The following ZCCHC17 variants were observed in gnomAD, a reference collection of about 807,000 sequenced individuals.
The protein encoded by ZCCHC17 is zinc finger CCHC-type containing 17.
ZCCHC17 carries 18 observed loss-of-function variants against 30.6 expected under a neutral mutation model. That is an observed-to-expected ratio of 0.59 (90% CI 0.41 to 0.87). ZCCHC17 has a LOEUF of 0.87. Among genes scored for constraint, ZCCHC17 ranks in the 40% least tolerant of loss-of-function variants. ZCCHC17 has a pLI of 0.00. For synonymous variants in ZCCHC17, 88 were observed against 92.4 expected, an observed-to-expected ratio of 0.95 and a Z score of 0.27; for missense variants, 263 against 284.2, an observed-to-expected ratio of 0.93 and a Z score of 0.54.
chr1:31,353,882 GA>G (rs1639553784), intron 7 of ZCCHC17, among the ~76,000 whole-genome samples: 2 of 152,290 alleles, frequency 1.3e-5, no homozygotes, highest in East Asian at 1.9e-4. Flanking sequence ...AGTAAGCTTT[GA>G]AGTTGGGAAT....
At position 31,310,102 on chromosome 1, in the gene ZCCHC17, A is replaced by G; in HGVS notation, c.4A>G (p.Asn2Asp). 6.2e-7 allele frequency: 1 copy of G among 1,614,080 alleles called. No homozygotes were observed. The highest frequency in any genetic ancestry group is 8.5e-7 in the Non-Finnish European group (1 of 1,179,978). Reference protein sequence around the residue: MNSGRPETMENL... With the variant: MDSGRPETMENL... ...GAGGAGCCATAGAATATTAAGGATG[A>G]ATTCAGGAAGGCCTGAGACCATGGA... Residue 2 changes from asparagine to aspartate, a missense_variant, in exon 2 of 8, where the codon AAT (asparagine) becomes GAT (aspartate). Coordinates refer to ENST00000344147, the MANE Select transcript of ZCCHC17 (RefSeq NM_016505.4).
Position 31,343,221 on chromosome 1 carries a change from G to A in ZCCHC17, c.318-3419G>A, listed in dbSNP as rs552865548. Among the ~76,000 whole-genome samples the A allele has an allele frequency of 3.3e-5, 5 of 152,154 alleles. No individual in the cohort carries two copies. The East Asian group carries it at 5.8e-4, about 18-fold the overall frequency. ...ATTACAGGTGCCCACCACTGCGCCC[G>A]GCTAATTTTTGTATTTTTAGTAGAG... On this transcript the variant is annotated intron_variant, in intron 5 of 7. Transcript: ENST00000344147.
rs1646417028 is a variant in ZCCHC17 at position 31,305,033 on chromosome 1, T to TC, written c.-55-5010dup. Reference sequence around the variant, plus strand: ...CAGTAATTCTCACTCACTCCCCCTTTCACTGTGGCCCACCATAAGGTTGGG... The same window carrying TC: ...CAGTAATTCTCACTCACTCCCCCTTTCCACTGTGGCCCACCATAAGGTTGGG... On this transcript the variant is annotated intron_variant, in intron 1 of 7. Coordinates refer to ENST00000344147, the MANE Select transcript of ZCCHC17 (RefSeq NM_016505.4). Among the ~76,000 whole-genome samples the TC allele has an allele frequency of 2.0e-5, 3 of 152,322 alleles. No individual in the cohort carries two copies. In the South Asian group the frequency reaches 6.2e-4, roughly 32 times the overall value.
chr1:31,354,434 T>C (rs1450599909), intron 7 of ZCCHC17, among the ~76,000 whole-genome samples: 1 of 152,184 alleles, frequency 6.6e-6, no homozygotes, highest in Non-Finnish European at 1.5e-5. Flanking sequence ...GGCAGAGTCT[T>C]GCTGTATCAC....
chr1:31,348,448 G>A (rs1480915150), intron 6 of ZCCHC17, among the ~76,000 whole-genome samples: 1 of 152,164 alleles, frequency 6.6e-6, no homozygotes, highest in African/African-American at 2.4e-5. Flanking sequence ...CTGCCACTCA[G>A]CTCCTTCTGC....
chr1:31,331,334 C>T lies in ZCCHC17; in HGVS notation c.125-5841C>T, dbSNP rs556432364. Among the ~76,000 whole-genome samples the T allele has an allele frequency of 7.9e-5, 12 of 151,370 alleles. No individual in the cohort carries two copies. The South Asian group carries it at 1.7e-3, about 21-fold the overall frequency. On this transcript the variant is annotated intron_variant, in intron 3 of 7. Coordinates refer to ENST00000344147, the MANE Select transcript of ZCCHC17 (RefSeq NM_016505.4). Reference sequence around the variant, plus strand: ...TTTTGTATTTTTTTTTTAGTAGAGACGGGGTTTCACCATGTTGGTCAGGCT... The same window carrying T: ...TTTTGTATTTTTTTTTTAGTAGAGATGGGGTTTCACCATGTTGGTCAGGCT...
chr1:31,310,353 A>G (rs1184894754), intron 2 of ZCCHC17, among the ~76,000 whole-genome samples, 189 bp downstream of exon 2: 1 of 152,240 alleles, frequency 6.6e-6, no homozygotes, highest in Non-Finnish European at 1.5e-5. Context: ...CGTAGTTGAC[A>G]TCGTCATTGG....
chr1:31,339,327 G>A (rs531879645), intron 5 of ZCCHC17, among the ~76,000 whole-genome samples: 18 of 152,070 alleles, frequency 1.2e-4, no homozygotes, highest in Admixed American at 9.2e-4. Flanking sequence ...GCGAAACCCC[G>A]TCTCTACTAA....
chr1:31,344,389 A>G (rs1270647425), intron 5 of ZCCHC17, among the ~76,000 whole-genome samples: 1 of 152,226 alleles, frequency 6.6e-6, no homozygotes, highest in Non-Finnish European at 1.5e-5. Context: ...AGTTCTTTCC[A>G]GAAAAGAATC....
chr1:31,333,601 T>C (rs1638683162), intron 3 of ZCCHC17, among the ~76,000 whole-genome samples: 1 of 152,168 alleles, frequency 6.6e-6, no homozygotes, highest in South Asian at 2.1e-4. Context: ...GACTCTTAGA[T>C]ATACTCTAAA....
intron 5 of ZCCHC17, among the ~76,000 whole-genome samples, chr1:31,344,852 G>GT (rs770367569): frequency 4.0e-3 from 316 of 79,432 alleles, no homozygotes; most frequent in Non-Finnish European, 7.1e-3. Flanking sequence ...TTTGTTATGG[G>GT]TTTTTTTTTG....
intron 7 of ZCCHC17, among the ~76,000 whole-genome samples, chr1:31,363,008 G>T (rs1344867844): frequency 6.6e-6 from 1 of 152,038 alleles, no homozygotes; most frequent in Non-Finnish European, 1.5e-5. Context: ...ACACAAGTAT[G>T]TGTAACATAC....
At chr1:31,355,068 G>C (rs1639594726) in intron 7 of ZCCHC17, among the ~76,000 whole-genome samples, 2 of 151,812 alleles carry the variant, frequency 1.3e-5, no homozygotes, top group Admixed American at 1.3e-4. Context: ...CTAGCTACTT[G>C]GGAGGCTGAG....
intron 2 of ZCCHC17, among the ~76,000 whole-genome samples, chr1:31,311,990 C>A (rs1210571240): frequency 1.3e-5 from 2 of 152,188 alleles, no homozygotes; most frequent in African/African-American, 4.8e-5. Flanking sequence ...CAGCATTTGT[C>A]ACCTCCAAAG....
chr1:31,346,809 G>A lies in ZCCHC17; in HGVS notation c.418+69G>A, dbSNP rs758330189. The stretch of plus-strand genomic sequence containing the variant: ...ATGGACCCTTTTCTGGAAGAAGGAG[G>A]CAGCCCAGTGTGAGTTTAGTTTACC... On this transcript the variant is annotated intron_variant, in intron 6 of 7. Coordinates refer to ENST00000344147, the MANE Select transcript of ZCCHC17 (RefSeq NM_016505.4). The A allele has an allele frequency of 5.0e-6, 8 of 1,601,098 alleles. No individual in the cohort carries two copies. In the Admixed American group the frequency reaches 5.2e-5, roughly 10 times the overall value.
chr1:31,340,441 C>T (rs1419201519), intron 5 of ZCCHC17, among the ~76,000 whole-genome samples: 1 of 151,826 alleles, frequency 6.6e-6, no homozygotes, highest in Non-Finnish European at 1.5e-5. Context: ...CCTCAGCCTC[C>T]ACAGTAGCTG....
At chr1:31,303,654 AT>A (rs1222384730) in intron 1 of ZCCHC17, among the ~76,000 whole-genome samples, 2 of 151,792 alleles carry the variant, frequency 1.3e-5, no homozygotes, top group African/African-American at 4.8e-5. Context: ...GTACTTTAAA[AT>A]TTTTTTTTGA....
intron 1 of ZCCHC17, among the ~76,000 whole-genome samples, chr1:31,298,515 A>G (rs1420631301): frequency 2.0e-5 from 3 of 151,686 alleles, no homozygotes; most frequent in Non-Finnish European, 4.4e-5. Context: ...CCTCCCCAGT[A>G]GCTGGGATTA....
chr1:31,317,933 G>A (rs138919514), intron 2 of ZCCHC17, among the ~76,000 whole-genome samples: 160 of 152,226 alleles, frequency 1.1e-3, no homozygotes, highest in African/African-American at 3.7e-3. Context: ...TTAAGACTCC[G>A]GATTCAAATC....
Sources: allele counts gnomAD v4.1 joint callset (sites outside exome capture counted in the v4.1 genomes callset), GRCh38; gene constraint gnomAD v4.1.1; transcripts MANE v1.5; gene names NCBI Gene and HGNC (gene_info 2026-07-23, HGNC 2026-07-21).